Variants in CTNNA3 observed in about 807,000 individuals in gnomAD.
The protein encoded by CTNNA3 is catenin alpha 3.
In CTNNA3, 76 loss-of-function variants were observed where a neutral mutation model predicts 95.7. That is an observed-to-expected ratio of 0.79 (90% CI 0.66 to 0.96). CTNNA3 has a LOEUF of 0.96. CTNNA3 is among the 40% of genes least tolerant of loss of function. The pLI is 0.00. For missense variants in CTNNA3, 1,191 were observed against 1,089.8 expected, an observed-to-expected ratio of 1.09 and a Z score of -1.31; for synonymous variants, 431 against 374.4, an observed-to-expected ratio of 1.15 and a Z score of -1.74.
intron 5 of CTNNA3, among the ~76,000 whole-genome samples, chr10:67,326,231 G>T (rs1293568391): frequency 6.6e-6 from 1 of 152,118 alleles, no homozygotes; most frequent in Non-Finnish European, 1.5e-5. Context: ...TTACACTCAA[G>T]GTTAGTAATG....
At chr10:66,123,940 T>C (rs1312053184) in intron 13 of CTNNA3, among the ~76,000 whole-genome samples, 3 of 152,140 alleles carry the variant, frequency 2.0e-5, no homozygotes, top group African/African-American at 7.2e-5. Context: ...AGGCCTGTGA[T>C]AGAAGGGGCT....
chr10:67,432,376 G>C (rs976802784), intron 5 of CTNNA3, among the ~76,000 whole-genome samples: 2 of 151,928 alleles, frequency 1.3e-5, no homozygotes, highest in East Asian at 1.9e-4. Flanking sequence ...TACAACCTTT[G>C]TAGCTTAAAA....
chr10:67,265,932 T>C (rs919017261), intron 5 of CTNNA3, among the ~76,000 whole-genome samples: 3 of 152,110 alleles, frequency 2.0e-5, no homozygotes, highest in Non-Finnish European at 4.4e-5. Context: ...GATTCCAAAA[T>C]GAAACAGATC....
chr10:67,075,507 T>C (rs1333502603), intron 7 of CTNNA3, among the ~76,000 whole-genome samples: 2 of 152,124 alleles, frequency 1.3e-5, no homozygotes, highest in Non-Finnish European at 2.9e-5. Flanking sequence ...AAGTTGGAAA[T>C]ACTTAAGATT....
chr10:67,275,501 G>T (rs1589116571), intron 5 of CTNNA3, among the ~76,000 whole-genome samples: 1 of 152,054 alleles, frequency 6.6e-6, no homozygotes, highest in African/African-American at 2.4e-5. Flanking sequence ...AAAAATGACT[G>T]ACAATGAATG....
intron 12 of CTNNA3, among the ~76,000 whole-genome samples, chr10:66,331,761 C>T (rs2092333644): frequency 6.6e-6 from 1 of 151,802 alleles, no homozygotes; most frequent in East Asian, 1.9e-4. Flanking sequence ...GTTCTTTTGG[C>T]TTAGGATTGA....
At chr10:66,797,169 G>A (rs1206068179) in intron 7 of CTNNA3, among the ~76,000 whole-genome samples, 1 of 151,636 alleles carries the variant, frequency 6.6e-6, no homozygotes, top group Non-Finnish European at 1.5e-5. Context: ...TTTATTCTCA[G>A]TGTTTATTCC....
At chr10:66,147,099 C>G (rs2083924488) in intron 13 of CTNNA3, among the ~76,000 whole-genome samples, 1 of 151,946 alleles carries the variant, frequency 6.6e-6, no homozygotes, top group African/African-American at 2.4e-5. Context: ...ATTTATATCT[C>G]TCTTGTTAAA....
At chr10:66,589,945 A>G (rs1188412670) in intron 10 of CTNNA3, among the ~76,000 whole-genome samples, 2 of 152,050 alleles carry the variant, frequency 1.3e-5, no homozygotes, top group African/African-American at 4.8e-5. Flanking sequence ...TTAACTATAA[A>G]GTAGAAAAAA....
intron 7 of CTNNA3, among the ~76,000 whole-genome samples, chr10:66,898,381 G>A (rs932607886): frequency 3.3e-5 from 5 of 152,066 alleles, no homozygotes; most frequent in Non-Finnish European, 7.4e-5. Context: ...TAAAGCTAAA[G>A]CAATTTTGAG....
chr10:67,415,298 C>G (rs998994291), intron 5 of CTNNA3, among the ~76,000 whole-genome samples: 6 of 152,280 alleles, frequency 3.9e-5, no homozygotes, highest in African/African-American at 1.4e-4. Context: ...GCAACTTTAG[C>G]AAAGTTTCAG....
At chr10:67,700,814 G>A (rs143631810), upstream of CTNNA3, among the ~76,000 whole-genome samples, 6,571 of 152,126 alleles carry the variant, frequency 0.043, 207 homozygotes, top group African/African-American at 0.091. Flanking sequence ...GGCTTCAGAC[G>A]ATCAAACTAC....
chr10:66,520,204 G>A (rs1841005800), intron 11 of CTNNA3, among the ~76,000 whole-genome samples: 1 of 132,352 alleles, frequency 7.6e-6, no homozygotes, highest in Non-Finnish European at 1.6e-5. Flanking sequence ...TCAATTAAAT[G>A]TTTACTGGAT....
intron 5 of CTNNA3, among the ~76,000 whole-genome samples, chr10:67,257,187 A>G (rs746343262): frequency 6.6e-6 from 1 of 152,226 alleles, no homozygotes; most frequent in Non-Finnish European, 1.5e-5. Flanking sequence ...CTGGGCATTT[A>G]AGACCAATGT....
chr10:67,701,880 C>A (rs1841043017), intron 1 of CTNNA3, among the ~76,000 whole-genome samples: 1 of 152,096 alleles, frequency 6.6e-6, no homozygotes, highest in East Asian at 1.9e-4. Flanking sequence ...TCAGGAAACC[C>A]ATCTCACGAG....
intron 7 of CTNNA3, among the ~76,000 whole-genome samples, chr10:66,919,963 A>T (rs1412426170): frequency 6.6e-6 from 1 of 152,202 alleles, no homozygotes; most frequent in African/African-American, 2.4e-5. Flanking sequence ...TTTATAAGCG[A>T]ATACACAGAA....
intron 14 of CTNNA3, among the ~76,000 whole-genome samples, chr10:66,084,402 G>A (rs1402902939): frequency 1.3e-5 from 2 of 151,710 alleles, no homozygotes; most frequent in Non-Finnish European, 2.9e-5. Context: ...TAAAAAAAAA[G>A]AGAATGGGTC....
At chr10:66,543,431 A>G (rs1454501121) in intron 10 of CTNNA3, among the ~76,000 whole-genome samples, 1 of 152,180 alleles carries the variant, frequency 6.6e-6, no homozygotes, top group East Asian at 1.9e-4. Context: ...GCCATGAAAA[A>G]TTACATTAAA....
chr10:66,919,585 T>A (rs978023649), intron 7 of CTNNA3, among the ~76,000 whole-genome samples: 1 of 152,202 alleles, frequency 6.6e-6, no homozygotes, highest in Non-Finnish European at 1.5e-5. Flanking sequence ...ATTAAATTTG[T>A]CTTTTCCCAG....
Sources: allele counts gnomAD v4.1 joint callset (sites outside exome capture counted in the v4.1 genomes callset), GRCh38; gene constraint gnomAD v4.1.1; transcripts MANE v1.5; gene names NCBI Gene and HGNC (gene_info 2026-07-23, HGNC 2026-07-21).